The following LINGO2 variants were observed in gnomAD, a reference collection of about 807,000 sequenced individuals.
LINGO2 encodes the protein leucine rich repeat and Ig domain containing 2, also known as leucine-rich repeat and immunoglobulin-like domain-containing nogo receptor-interacting protein 2.
A neutral mutation model predicts 30.6 loss-of-function variants in LINGO2; 14 were observed. The observed-to-expected ratio is 0.46, with a 90% confidence interval of 0.30 to 0.72. The LOEUF is 0.72. Ranked by LOEUF, LINGO2 falls within the 30% of genes least tolerant of loss-of-function variation. The pLI is 0.07. For synonymous variants in LINGO2, 317 were observed against 288.5 expected, an observed-to-expected ratio of 1.10 and a Z score of -1.00; for missense variants, 729 against 751.7, an observed-to-expected ratio of 0.97 and a Z score of 0.35.
chr9:28,242,219 A>G (rs933334184), intron 4 of LINGO2, among the ~76,000 whole-genome samples: 66 of 152,188 alleles, frequency 4.3e-4, no homozygotes, highest in African/African-American at 1.5e-3. Flanking sequence ...AGAAGCTGAG[A>G]ACCTTGACAA....
At chr9:28,632,494 G>A (rs1428422132) in intron 1 of LINGO2, among the ~76,000 whole-genome samples, 1 of 150,234 alleles carries the variant, frequency 6.7e-6, no homozygotes, top group African/African-American at 2.4e-5. Flanking sequence ...GGTTCTCTTA[G>A]AGAGACAGAA....
the LINGO2 span, among the ~76,000 whole-genome samples, chr9:29,196,748 T>G: frequency 1.3e-5 from 2 of 152,092 alleles, no homozygotes; most frequent in African/African-American, 4.8e-5. Context: ...TGATGTTTAA[T>G]GAGTAGTATA....
intron 1 of LINGO2, among the ~76,000 whole-genome samples, chr9:28,561,405 T>C (rs965400623): frequency 2.0e-5 from 3 of 151,762 alleles, no homozygotes; most frequent in African/African-American, 7.3e-5. Flanking sequence ...CTTATAGTAG[T>C]AAGCAAAATA....
intron 4 of LINGO2, among the ~76,000 whole-genome samples, chr9:28,023,487 T>C (rs551449711): frequency 1.3e-5 from 2 of 152,288 alleles, no homozygotes; most frequent in South Asian, 4.1e-4. Context: ...GGTATGGTGG[T>C]AAGGTGTAGA....
At chr9:27,981,556 AAAAGAAAAAAAAAGAAAAAAAAAAG>A (rs1820869556) in intron 5 of LINGO2, among the ~76,000 whole-genome samples, 3 of 125,010 alleles carry the variant, frequency 2.4e-5, no homozygotes, top group African/African-American at 8.5e-5. Context: ...AAAAAGAAAA[AAAAGAAAAAAAAAGAAAAAAAAAAG>A]AAAAAAAATT....
chr9:28,207,625 C>A (rs1490610220), intron 4 of LINGO2, among the ~76,000 whole-genome samples: 1 of 152,070 alleles, frequency 6.6e-6, no homozygotes. Context: ...TCTCTTTCTT[C>A]ATCCTCACCC....
chr9:28,157,652 C>G (rs1828171192), intron 4 of LINGO2, among the ~76,000 whole-genome samples: 2 of 152,126 alleles, frequency 1.3e-5, no homozygotes, highest in African/African-American at 4.8e-5. Flanking sequence ...CTTTTATGTT[C>G]TGCTATCCTT....
the LINGO2 span, among the ~76,000 whole-genome samples, chr9:28,860,308 A>G: frequency 1.3e-5 from 2 of 152,102 alleles, no homozygotes; most frequent in Non-Finnish European, 2.9e-5. Flanking sequence ...AATAACATCA[A>G]AATTGGTACC....
At chr9:28,154,709 T>A (rs1177997800) in intron 4 of LINGO2, among the ~76,000 whole-genome samples, 1 of 152,210 alleles carries the variant, frequency 6.6e-6, no homozygotes, top group African/African-American at 2.4e-5. Flanking sequence ...CAGACACCTA[T>A]GGACTTTCAA....
chr9:27,941,270 A>G, the LINGO2 span: 1 of 152,256 alleles, frequency 6.6e-6, no homozygotes, highest in East Asian at 1.9e-4. Flanking sequence ...CCCTGTCTCT[A>G]CTAAAAAAAT....
chr9:28,074,047 T>A (rs568883964), intron 4 of LINGO2, among the ~76,000 whole-genome samples: 42 of 152,304 alleles, frequency 2.8e-4, no homozygotes, highest in African/African-American at 9.6e-4. Flanking sequence ...GGACTCACAT[T>A]CTTTCCTGGA....
chr9:28,386,910 T>A (rs1821603389), intron 2 of LINGO2, among the ~76,000 whole-genome samples: 1 of 152,188 alleles, frequency 6.6e-6, no homozygotes. Context: ...TTTTTAAAAT[T>A]AAGTATTGAA....
the LINGO2 span, among the ~76,000 whole-genome samples, chr9:29,054,693 A>G: frequency 1.3e-5 from 2 of 152,206 alleles, no homozygotes; most frequent in Non-Finnish European, 2.9e-5. Context: ...TGAGGCTTTT[A>G]TAATTTAAAT....
chr9:28,989,727 T>C, the LINGO2 span, among the ~76,000 whole-genome samples: 2 of 152,206 alleles, frequency 1.3e-5, no homozygotes, highest in East Asian at 3.8e-4. Flanking sequence ...TGCCTCTTCT[T>C]AGGGACACAG....
At chr9:28,207,091 T>C (rs1396204940) in intron 4 of LINGO2, among the ~76,000 whole-genome samples, 4 of 152,196 alleles carry the variant, frequency 2.6e-5, no homozygotes, top group African/African-American at 9.6e-5. Context: ...TTATAGAATC[T>C]GATTTATGTG....
intron 5 of LINGO2, among the ~76,000 whole-genome samples, chr9:28,003,752 C>G (rs1415702899): frequency 1.3e-5 from 2 of 152,098 alleles, no homozygotes; most frequent in Admixed American, 6.6e-5. Context: ...TAGAAATATG[C>G]CAGAGGAACT....
At chr9:28,706,591 C>T in the LINGO2 span, among the ~76,000 whole-genome samples, 1 of 152,040 alleles carries the variant, frequency 6.6e-6, no homozygotes, top group Non-Finnish European at 1.5e-5. Context: ...ACAAGATGAC[C>T]CTTCTTGTCT....
intron 2 of LINGO2, among the ~76,000 whole-genome samples, chr9:28,384,340 T>TATATATATATATATATATATAG (rs1821486585): frequency 6.7e-6 from 1 of 149,104 alleles, no homozygotes; most frequent in African/African-American, 2.4e-5. Flanking sequence ...TATATATATA[T>TATATATATATATATATATATAG]ATATATATAT....
At chr9:28,689,135 G>C in the LINGO2 span, among the ~76,000 whole-genome samples, 38 of 152,278 alleles carry the variant, frequency 2.5e-4, no homozygotes, top group East Asian at 7.2e-3. Context: ...TACAGATGAA[G>C]TAAGTGGCCC....
Sources: allele counts gnomAD v4.1 joint callset (sites outside exome capture counted in the v4.1 genomes callset), GRCh38; gene constraint gnomAD v4.1.1; transcripts MANE v1.5; gene names NCBI Gene and HGNC (gene_info 2026-07-23, HGNC 2026-07-21).